ENO2: variants seen among roughly 807,000 people sequenced by gnomAD.
ENO2 encodes enolase 2.
In ENO2, 19 loss-of-function variants were observed where a neutral mutation model predicts 48.7. The observed-to-expected ratio is 0.39, with a 90% CI of 0.27 to 0.57. ENO2 has a LOEUF of 0.57. Ranked by LOEUF, ENO2 falls within the 20% of genes least tolerant of loss-of-function variation. The probability of loss-of-function intolerance (pLI) is 0.58; values close to 1 mark genes in which losing one functional copy is unlikely to be tolerated. For synonymous variants in ENO2, 198 were observed against 213.4 expected (o/e 0.93, Z 0.63); for missense variants, 416 against 555.0 (o/e 0.75, Z 2.52).
chr12:6,919,706 T>C lies in ENO2; in HGVS notation c.808T>C (p.Tyr270His). The change falls in exon 8 of 12, where the codon TAC becomes CAC. Residue 270 changes from tyrosine (Y) to histidine (H), a missense_variant. Transcript: ENST00000229277. The stretch of plus-strand genomic sequence containing the variant: ...CAAGTCTCCCACTGATCCTTCCCGA[T>C]ACATCACTGGGGACCAGCTGGGGGC... Reference protein sequence around the residue: ...DFKSPTDPSRYITGDQLGALY... With the variant: ...DFKSPTDPSRHITGDQLGALY... 1.2e-6 allele frequency: 2 copies of C among 1,614,090 alleles called. No homozygotes were observed. The highest frequency in any genetic ancestry group is 1.7e-6 in the Non-Finnish European group (2 of 1,180,018).
Position 6,922,854 on chromosome 12 carries a change from G to A in ENO2, c.*54G>A. The A allele has an allele frequency of 2.5e-6, 4 of 1,600,248 alleles. No homozygotes were observed. The highest frequency in any genetic ancestry group is 2.2e-5 in the South Asian group (2 of 90,812). ...CTCTGTCTCATCCTCCTGGAACCTT[G>A]CTGTCCTGATCTGTGATAGTTCACC... On this transcript the variant is annotated 3_prime_UTR_variant, in exon 12 of 12. Coordinates refer to ENST00000229277, the MANE Select transcript of ENO2 (RefSeq NM_001975.3). The surrounding 1 kb of genome is among the most constrained non-coding windows in gnomAD (Gnocchi z 5.3).
At position 6,916,912 on chromosome 12, in the gene ENO2, T is replaced by TA. The variant is rs1356432642; in HGVS notation, c.241-125dup. 5 of 1,427,866 alleles carry TA rather than the reference T, an allele frequency of 3.5e-6. No individual in the cohort carries two copies. The African/African-American group carries it at 5.7e-5, about 16-fold the overall frequency. 88.4% of individuals were successfully genotyped at this position (1,427,866 alleles called of 1,614,324 possible). A position where few individuals can be genotyped will look rare whatever the true frequency, so the allele number is the denominator to read the frequency against. The stretch of plus-strand genomic sequence containing the variant: ...GGGAGTTCAGGTCCCCTAATCCAGG[T>TA]AGGCCCCTGTCACAGGGACCTGGTT... On this transcript the variant is annotated intron_variant, in intron 4 of 11. Coordinates refer to ENST00000229277, the MANE Select transcript of ENO2 (RefSeq NM_001975.3). The surrounding 1 kb of genome is among the most constrained non-coding windows in gnomAD (Gnocchi z 4.5).
chr12:6,917,629 A>G lies in ENO2; in HGVS notation c.359A>G (p.Lys120Arg). The G allele has an allele frequency of 6.2e-7, 1 of 1,613,566 alleles. No homozygotes were observed. The highest frequency in any genetic ancestry group is 8.5e-7 in the Non-Finnish European group (1 of 1,179,778). The change falls in exon 6 of 12, where the codon AAG becomes AGG. Residue 120 changes from lysine to arginine, a missense_variant. Lys to Arg is a conservative substitution (Grantham distance 26, BLOSUM62 2). Transcript: ENST00000229277. ...CTGGGTGTGTCTCTGGCCGTGTGTA[A>G]GGCAGGGGCAGCTGAGCGGGAACTG... Reference protein sequence around the residue: ...AILGVSLAVCKAGAAERELPL... With the variant: ...AILGVSLAVCRAGAAERELPL...
Position 6,916,614 on chromosome 12 carries a change from A to T in ENO2, c.182-57A>T. On this transcript the variant is annotated intron_variant, in intron 3 of 11. Transcript: ENST00000229277. This position sits in a 1 kb window ranked among gnomAD's most constrained non-coding sequence, Gnocchi z 4.5. ...CTCTAGCATGGCTTCCCCTCCTCCC[A>T]TTGATCCCTTCCGGCCCCTCCTGGC... 1.2e-6 allele frequency: 2 copies of T among 1,612,080 alleles called. No individual in the cohort carries two copies. Among genetic ancestry groups the T allele is most frequent in the South Asian group, 2.2e-5 (2 of 90,996 alleles).
rs564575090 is a variant in ENO2, at chr12:6,917,120, C to G, written c.310+13C>G. 3.1e-6 allele frequency: 5 copies of G among 1,613,746 alleles called. No homozygotes were observed. In the South Asian group the frequency reaches 4.4e-5, roughly 14 times the overall value. On this transcript the variant is annotated intron_variant, in intron 5 of 11. Coordinates refer to ENST00000229277, the MANE Select transcript of ENO2 (RefSeq NM_001975.3). ...ACTGAGAACAAATGTGAGCCGGGGC[C>G]GGGAGAAAGTGGGGAAGCGTCAGGG...
At chr12:6,920,849 C>G (rs1245072362) in intron 8 of ENO2, among the ~76,000 whole-genome samples, 2 of 151,192 alleles carry the variant, frequency 1.3e-5, no homozygotes, top group Non-Finnish European at 2.9e-5. Context: ...GCATGAGCCA[C>G]TGTGCCCAGC....
rs1945291424 is a variant in ENO2 at position 6,916,276 on chromosome 12, G to A, written c.86-141G>A. The stretch of plus-strand genomic sequence containing the variant: ...GTGCATCTGCCTCAGTGTGTGTGTG[G>A]GGTGGGGGTGGGGGGATGTTAGGGA... On this transcript the variant is annotated intron_variant, in intron 2 of 11. Transcript: ENST00000229277. This position sits in a 1 kb window ranked among gnomAD's most constrained non-coding sequence, Gnocchi z 4.5. 2.8e-6 allele frequency: 2 copies of A among 723,948 alleles called. No homozygotes were observed. The highest frequency in any genetic ancestry group is 4.5e-6 in the Non-Finnish European group (2 of 444,204). The allele number at this position is 723,948 out of a possible 1,614,324, so 44.8% of individuals were successfully genotyped here.
intron 8 of ENO2, 45 bp downstream of exon 8, chr12:6,919,808 A>T: frequency 1.2e-6 from 2 of 1,601,442 alleles, no homozygotes; most frequent in Non-Finnish European, 1.7e-6. Flanking sequence ...GCAGGCAGGG[A>T]CGTGTCCCAG....
Position 6,915,829 on chromosome 12 carries a change from C to T in ENO2, c.-4C>T. ...CCCTTCCACCCGAGGAGATCCCAGC[C>T]ATCATGTCCATAGAGAAGATCTGGG... On this transcript the variant is annotated 5_prime_UTR_variant, in exon 2 of 12. Coordinates refer to ENST00000229277, the MANE Select transcript of ENO2 (RefSeq NM_001975.3). 6.2e-6 allele frequency: 10 copies of T among 1,613,842 alleles called. No individual in the cohort carries two copies. The highest frequency in any genetic ancestry group is 6.8e-6 in the Non-Finnish European group (8 of 1,179,884).
In ENO2 at chr12:6,917,948, C is replaced by T. The variant is rs782397962; in HGVS notation, c.453C>T (p.Asn151=). The change falls in exon 7 of 12, where the codon AAC becomes AAT. Residue 151 remains asparagine, a synonymous_variant. Transcript: ENST00000229277. Reference sequence around the variant, plus strand: ...TTTCTGTGGCTCCCCAGGCCTTCAACGTGATCAATGGTGGCTCTCATGCTG... The same window carrying T: ...TTTCTGTGGCTCCCCAGGCCTTCAATGTGATCAATGGTGGCTCTCATGCTG... ...SDLILPVPAF[N]VINGGSHAGN... is the part of the protein sequence containing the mutation. 1.9e-5 allele frequency: 31 copies of T among 1,614,136 alleles called. 1 individual carries two copies. The Middle Eastern group carries it at 5.0e-4, about 26-fold the overall frequency.
At position 6,919,666 on chromosome 12, in the gene ENO2, A is replaced by G; in HGVS notation, c.768A>G (p.Lys256=). The change falls in exon 8 of 12, where the codon AAA becomes AAG. Residue 256 remains lysine (K), a synonymous_variant. Transcript: ENST00000229277. ...CCTCAGAGTTTTATCGTGATGGCAA[A>G]TATGACTTGGACTTCAAGTCTCCCA... is the stretch of plus-strand genomic sequence containing the variant. ...VAASEFYRDG[K]YDLDFKSPTD... is the part of the protein sequence containing the mutation. The G allele has an allele frequency of 6.2e-7, 1 of 1,614,176 alleles. No homozygotes were observed. The highest frequency in any genetic ancestry group is 8.5e-7 in the Non-Finnish European group (1 of 1,180,038).
rs1945295735 is a variant in ENO2, at chr12:6,916,791, G to A, written c.240+62G>A. 6.2e-7 allele frequency: 1 copy of A among 1,601,030 alleles called. No individual in the cohort carries two copies. Among genetic ancestry groups the A allele is most frequent in the Non-Finnish European group, 8.5e-7 (1 of 1,170,636 alleles). Reference sequence around the variant, plus strand: ...AGTTCTGGAAGGAATCCCGGAGCAGGGCAGGAGGAAGGGAAGAAAGAAGGC... The same window carrying A: ...AGTTCTGGAAGGAATCCCGGAGCAGAGCAGGAGGAAGGGAAGAAAGAAGGC... On this transcript the variant is annotated intron_variant, in intron 4 of 11. Coordinates refer to ENST00000229277, the MANE Select transcript of ENO2 (RefSeq NM_001975.3). This position sits in a 1 kb window ranked among gnomAD's most constrained non-coding sequence, Gnocchi z 4.5.
Position 6,914,814 on chromosome 12 carries a change from T to TCCCTGGCCTTCCCC in ENO2, c.-13+156_-13+169dup, listed in dbSNP as rs1388480902. On this transcript the variant is annotated intron_variant, in intron 1 of 11. Coordinates refer to ENST00000229277, the MANE Select transcript of ENO2 (RefSeq NM_001975.3). This position sits in a 1 kb window ranked among gnomAD's most constrained non-coding sequence, Gnocchi z 7.1. ...CCGCCCGCGCCCAGGGCGCCTTCCC[T>TCCCTGGCCTTCCCC]CCCTGGCCTTCCCCGCCCGCTGCCT... is the stretch of plus-strand genomic sequence containing the variant. Among the ~76,000 whole-genome samples the TCCCTGGCCTTCCCC allele has an allele frequency of 1.8e-4, 27 of 151,862 alleles. No individual in the cohort carries two copies. Among genetic ancestry groups the TCCCTGGCCTTCCCC allele is most frequent in the Middle Eastern group, 6.9e-3 (2 of 290 alleles).
rs111311769 is a variant in ENO2 at position 6,922,533 on chromosome 12, G to C, written c.1235+131G>C. On this transcript the variant is annotated intron_variant, in intron 11 of 11. Coordinates refer to ENST00000229277, the MANE Select transcript of ENO2 (RefSeq NM_001975.3). This position sits in a 1 kb window ranked among gnomAD's most constrained non-coding sequence, Gnocchi z 5.3. ...GATAACAGTCCAACAGATAATATTGGTTTTTGCTTCCTGGGTTTATTGATG... is the reference window on the plus strand; with the variant it reads ...GATAACAGTCCAACAGATAATATTGCTTTTTGCTTCCTGGGTTTATTGATG... The C allele has an allele frequency of 1.0e-4, 143 of 1,364,296 alleles. No individual in the cohort carries two copies. In the African/African-American group the frequency reaches 1.7e-3, roughly 17 times the overall value. 84.5% of individuals were successfully genotyped at this position (1,364,296 alleles called of 1,614,324 possible).
At position 6,917,954 on chromosome 12, in the gene ENO2, C is replaced by A; in HGVS notation, c.459C>A (p.Ile153=). 1 of 1,614,102 alleles carries A rather than the reference C, an allele frequency of 6.2e-7. No individual in the cohort carries two copies. Among genetic ancestry groups the A allele is most frequent in the South Asian group, 1.1e-5 (1 of 91,062 alleles). The change falls in exon 7 of 12, where the codon ATC becomes ATA. Residue 153 remains isoleucine (I), a synonymous_variant. Transcript: ENST00000229277. ...TGGCTCCCCAGGCCTTCAACGTGAT[C>A]AATGGTGGCTCTCATGCTGGCAACA... ...LILPVPAFNV[I]NGGSHAGNKL... is the part of the protein sequence containing the mutation.
chr12:6,917,874 G>A (rs1422851939), intron 6 of ENO2, 66 bp from the exon 7 acceptor site: 13 of 1,596,204 alleles, frequency 8.1e-6, no homozygotes, highest in African/African-American at 1.3e-5. Context: ...TGGGATCTTG[G>A]GTTAACACTC....
At position 6,917,980 on chromosome 12, in the gene ENO2, A is replaced by T; in HGVS notation, c.485A>T (p.Lys162Met). The T allele has an allele frequency of 6.2e-7, 1 of 1,614,144 alleles. No homozygotes were observed. Among genetic ancestry groups the T allele is most frequent in the East Asian group, 2.2e-5 (1 of 44,882 alleles). ...VINGGSHAGN[K>M]LAMQEFMILP... ...AATGGTGGCTCTCATGCTGGCAACA[A>T]GCTGGCCATGCAGGAGTTCATGATC... Residue 162 changes from lysine to methionine, a missense_variant, in exon 7 of 12, where the codon AAG becomes ATG. Lys to Met is a moderately conservative substitution (Grantham distance 95). Transcript: ENST00000229277.
Position 6,915,913 on chromosome 12 carries a change from C to T in ENO2, c.81C>T (p.Ala27=). The T allele has an allele frequency of 6.2e-7, 1 of 1,614,000 alleles. No individual in the cohort carries two copies. Among genetic ancestry groups the T allele is most frequent in the Non-Finnish European group, 8.5e-7 (1 of 1,179,952 alleles). Residue 27 remains alanine, a synonymous_variant, in exon 2 of 12, where the codon GCC becomes GCT. Transcript: ENST00000229277. ...NPTVEVDLYT[A]KGLFRAAVPS... ...CAGTGGAGGTGGATCTCTATACTGC[C>T]AAAGGTAATGGGTGTGGCATGGGCC... is the stretch of plus-strand genomic sequence containing the variant.
chr12:6,918,624 C>T (rs376033165), intron 7 of ENO2, among the ~76,000 whole-genome samples: 2 of 150,700 alleles, frequency 1.3e-5, no homozygotes, highest in East Asian at 4.1e-4. Context: ...CAAGCGTGAG[C>T]CACCACGCCT....
Sources: allele counts gnomAD v4.1 joint callset (sites outside exome capture counted in the v4.1 genomes callset), GRCh38; gene constraint gnomAD v4.1.1; non-coding constraint Gnocchi (gnomAD v3.1); transcripts MANE v1.5; gene names NCBI Gene and HGNC (gene_info 2026-07-23, HGNC 2026-07-21).